WDPCP: variants seen among roughly 807,000 people sequenced by gnomAD.
The protein encoded by WDPCP is WD repeat-containing and planar cell polarity effector protein fritz homolog.
WDPCP carries 71 observed loss-of-function variants against 93.1 expected under a neutral mutation model. The observed-to-expected ratio is 0.76, with a 90% CI of 0.63 to 0.93. The LOEUF (loss-of-function observed/expected upper bound fraction) is 0.93, where lower values mean the gene tolerates loss of function less well. WDPCP is among the 40% of genes least tolerant of loss of function. The probability of loss-of-function intolerance (pLI) is 0.00; values close to 1 mark genes in which losing one functional copy is unlikely to be tolerated. For synonymous variants in WDPCP, 315 were observed against 315.0 expected, an observed-to-expected ratio of 1.00 and a Z score of 0.00; for missense variants, 844 against 887.4, an observed-to-expected ratio of 0.95 and a Z score of 0.62.
At chr2:63,143,462 A>AT (rs1671246381) in intron 17 of WDPCP, among the ~76,000 whole-genome samples, 1 of 151,898 alleles carries the variant, frequency 6.6e-6, no homozygotes, top group South Asian at 2.1e-4. Flanking sequence ...ATTCATTGTG[A>AT]TTTTTGTTGC....
intron 2 of WDPCP, among the ~76,000 whole-genome samples, chr2:63,491,938 T>C (rs1226089615): frequency 6.6e-6 from 1 of 152,202 alleles, no homozygotes; most frequent in Non-Finnish European, 1.5e-5. Flanking sequence ...ATTTCAGTTG[T>C]CCCCTCTGTC....
chr2:63,649,612 A>G (rs1002283668), intron 3 of WDPCP, among the ~76,000 whole-genome samples: 2 of 152,224 alleles, frequency 1.3e-5, no homozygotes, highest in African/African-American at 2.4e-5. Flanking sequence ...TAATTTTCTA[A>G]GGAACTGAAT....
At chr2:63,173,280 A>G (rs6735612) in intron 15 of WDPCP, among the ~76,000 whole-genome samples, 45,144 of 151,202 alleles carry the variant, frequency 0.3, 8,435 homozygotes, top group Non-Finnish European at 0.41. Context: ...AAAAAAAAAA[A>G]AAAAAGAAAA....
chr2:63,758,875 T>A (rs1575766159), intron 2 of WDPCP, among the ~76,000 whole-genome samples: 1 of 152,040 alleles, frequency 6.6e-6, no homozygotes, highest in East Asian at 1.9e-4. Context: ...ACTCCCGAGT[T>A]CAAGCAATTC....
intron 1 of WDPCP, among the ~76,000 whole-genome samples, chr2:63,571,030 G>C (rs1408476983): frequency 6.6e-6 from 1 of 151,740 alleles, no homozygotes; most frequent in Middle Eastern, 3.4e-3. Context: ...TCAGCCTCCT[G>C]AACAGCTGGG....
At chr2:63,771,407 T>C (rs1575769154) in intron 2 of WDPCP, among the ~76,000 whole-genome samples, 1 of 152,158 alleles carries the variant, frequency 6.6e-6, no homozygotes, top group East Asian at 1.9e-4. Context: ...AACCTTTCTC[T>C]GGTATACACA....
chr2:63,484,104 C>G (rs1041299232), intron 6 of WDPCP, among the ~76,000 whole-genome samples: 63 of 152,084 alleles, frequency 4.1e-4, no homozygotes, highest in African/African-American at 1.3e-3. Flanking sequence ...TCACATATGA[C>G]TAGTGGCTAC....
intron 14 of WDPCP, among the ~76,000 whole-genome samples, chr2:63,197,951 TA>T (rs1675584068): frequency 6.6e-6 from 1 of 152,224 alleles, no homozygotes; most frequent in South Asian, 2.1e-4. Context: ...TGACAGGTTC[TA>T]GGGATTAGAA....
At chr2:63,173,031 G>A (rs1673515838) in intron 15 of WDPCP, among the ~76,000 whole-genome samples, 1 of 152,138 alleles carries the variant, frequency 6.6e-6, no homozygotes, top group South Asian at 2.1e-4. Context: ...GGAGGCTGAG[G>A]CGGCTGGATC....
At chr2:63,355,251 C>T (rs1319929902) in intron 12 of WDPCP, among the ~76,000 whole-genome samples, 1 of 152,154 alleles carries the variant, frequency 6.6e-6, no homozygotes, top group Non-Finnish European at 1.5e-5. Flanking sequence ...GACCTCTCAG[C>T]TGAAACCTTA....
At chr2:63,635,810 G>A (rs926300094) in intron 3 of WDPCP, among the ~76,000 whole-genome samples, 2 of 152,166 alleles carry the variant, frequency 1.3e-5, no homozygotes, top group Non-Finnish European at 2.9e-5. Context: ...AGACAAGGAT[G>A]TCCTCTCTTG....
intron 1 of WDPCP, among the ~76,000 whole-genome samples, chr2:63,570,895 T>C (rs1707442365): frequency 6.6e-6 from 1 of 151,996 alleles, no homozygotes; most frequent in Admixed American, 6.6e-5. Context: ...TATGAAACTT[T>C]GGGTAAATTT....
intron 1 of WDPCP, chr2:63,564,172 G>T (rs1229296727): frequency 1.3e-5 from 2 of 152,122 alleles, no homozygotes; most frequent in Non-Finnish European, 2.9e-5. Flanking sequence ...AGGTGGAAAG[G>T]TGCTTCATTA....
chr2:63,153,225 G>C, intron 16 of WDPCP: 1 of 555,306 alleles, frequency 1.8e-6, no homozygotes, highest in East Asian at 3.0e-5. Context: ...TAGAAATGCA[G>C]AGCCATAGGC....
At chr2:63,168,668 C>T (rs1160954873) in intron 15 of WDPCP, 1 of 152,064 alleles carries the variant, frequency 6.6e-6, no homozygotes, top group Non-Finnish European at 1.5e-5. Context: ...TGCAAAATGC[C>T]CATTGGGTAC....
intron 14 of WDPCP, among the ~76,000 whole-genome samples, chr2:63,182,214 G>A (rs890494470): frequency 6.6e-6 from 1 of 152,064 alleles, no homozygotes; most frequent in African/African-American, 2.4e-5. Flanking sequence ...GGTCATCATT[G>A]TCTTGTTCCA....
intron 3 of WDPCP, chr2:63,595,133 A>C (rs1174808306): frequency 4.1e-5 from 18 of 436,014 alleles, no homozygotes; most frequent in Non-Finnish European, 8.5e-6. Flanking sequence ...ATTAACAATA[A>C]GAGCAAGCTA....
At chr2:63,267,603 C>A (rs1575019776) in intron 13 of WDPCP, among the ~76,000 whole-genome samples, 1 of 152,054 alleles carries the variant, frequency 6.6e-6, no homozygotes, top group East Asian at 1.9e-4. Context: ...GGGCCAATAT[C>A]CAAAATATAT....
chr2:63,680,186 C>T lies in WDPCP; in HGVS notation n.309-29348G>A, dbSNP rs564579698. On this transcript the variant is annotated intron_variant and non_coding_transcript_variant, in intron 2 of 4. Transcript: ENST00000467687. ...ACACCAAATTGAACAACTATCTATA[C>T]AAAAAAGCATTGTCGTAAGAACCAA... Among the ~76,000 whole-genome samples, 24 of 152,292 alleles carry T rather than the reference C, an allele frequency of 1.6e-4. No individual in the cohort carries two copies. In the East Asian group the frequency reaches 1.9e-3, roughly 12 times the overall value.
Sources: allele counts gnomAD v4.1 joint callset (sites outside exome capture counted in the v4.1 genomes callset), GRCh38; gene constraint gnomAD v4.1.1; transcripts MANE v1.5; gene names NCBI Gene and HGNC (gene_info 2026-07-23, HGNC 2026-07-21).